FRMD4A: variants seen among roughly 807,000 people sequenced by gnomAD.
FRMD4A encodes FERM domain-containing protein 4A.
A neutral mutation model predicts 129.1 loss-of-function variants in FRMD4A; 29 were observed. The ratio of observed to expected loss-of-function variants is 0.22; its 90% CI spans 0.17 to 0.31. The LOEUF (loss-of-function observed/expected upper bound fraction) is 0.31, where lower values mean the gene tolerates loss of function less well. Ranked by LOEUF, FRMD4A falls within the 10% of genes least tolerant of loss-of-function variation. The pLI is 1.00. For synonymous variants in FRMD4A, 634 were observed against 571.6 expected (o/e 1.11, Z -1.56); for missense variants, 1,272 against 1,375.8 (o/e 0.92, Z 1.19).
chr10:13,796,826 T>G (rs931855265), intron 4 of FRMD4A, among the ~76,000 whole-genome samples: 1 of 152,186 alleles, frequency 6.6e-6, no homozygotes, highest in African/African-American at 2.4e-5. Flanking sequence ...GTTTAAGCGA[T>G]TCCCTGCCTC....
intron 2 of FRMD4A, among the ~76,000 whole-genome samples, chr10:13,979,649 A>G (rs1367484438): frequency 6.6e-6 from 1 of 152,168 alleles, no homozygotes; most frequent in Non-Finnish European, 1.5e-5. Flanking sequence ...CATTGTTTAT[A>G]GTAGGTATTA....
intron 2 of FRMD4A, among the ~76,000 whole-genome samples, chr10:13,911,033 T>C (rs1235515694): frequency 6.6e-6 from 1 of 152,158 alleles, no homozygotes; most frequent in Non-Finnish European, 1.5e-5. Flanking sequence ...CTTTTCCTTC[T>C]CAGCCAGGGA....
At chr10:14,296,126 C>T (rs188359621) in intron 2 of FRMD4A, among the ~76,000 whole-genome samples, 6 of 152,064 alleles carry the variant, frequency 3.9e-5, no homozygotes, top group African/African-American at 1.2e-4. Context: ...CTACTCCCAG[C>T]GGAAGAAAAA....
intron 2 of FRMD4A, among the ~76,000 whole-genome samples, chr10:13,862,534 T>C (rs2094308782): frequency 6.6e-6 from 1 of 152,206 alleles, no homozygotes. Context: ...CCCTAGGTCT[T>C]CCAATTTCTT....
At chr10:14,020,439 A>G (rs1362736382) in intron 2 of FRMD4A, among the ~76,000 whole-genome samples, 2 of 152,222 alleles carry the variant, frequency 1.3e-5, no homozygotes, top group Non-Finnish European at 2.9e-5. Context: ...CATCAGCTAT[A>G]GAGGAAACCC....
intron 12 of FRMD4A, among the ~76,000 whole-genome samples, chr10:13,726,428 TC>T (rs2089899138): frequency 6.6e-6 from 1 of 152,226 alleles, no homozygotes; most frequent in Non-Finnish European, 1.5e-5. Context: ...TGACTTTAAC[TC>T]AGACTAAAAT....
chr10:13,736,079 G>C (rs1271267835), intron 12 of FRMD4A, among the ~76,000 whole-genome samples: 1 of 152,146 alleles, frequency 6.6e-6, no homozygotes, highest in Non-Finnish European at 1.5e-5. Flanking sequence ...TTGAACCTGG[G>C]AAGCAAAGGT....
intron 2 of FRMD4A, among the ~76,000 whole-genome samples, chr10:14,295,997 T>C (rs1845996127): frequency 1.3e-5 from 2 of 152,280 alleles, no homozygotes; most frequent in South Asian, 2.1e-4. Flanking sequence ...GAATTTTTTT[T>C]CCTATGACTG....
rs1159626740 is a variant in FRMD4A at position 13,821,521 on chromosome 10, A to C, written c.112-10613T>G. Among the ~76,000 whole-genome samples the C allele has an allele frequency of 6.6e-6, 1 of 152,172 alleles. No individual in the cohort carries two copies. Among genetic ancestry groups the C allele is most frequent in the Admixed American group, 6.5e-5 (1 of 15,278 alleles). On this transcript the variant is annotated intron_variant, in intron 3 of 24. Transcript: ENST00000357447. The surrounding 1 kb of genome is among the most constrained non-coding windows in gnomAD (Gnocchi z 4.3). ...CTAGTCTAGGAGTGACAGTGGCATC[A>C]CATCGCTGCAGCAGAACAGCAAAGC...
At chr10:14,157,678 T>C (rs1840670728) in intron 2 of FRMD4A, among the ~76,000 whole-genome samples, 1 of 152,170 alleles carries the variant, frequency 6.6e-6, no homozygotes, top group Admixed American at 6.5e-5. Flanking sequence ...CTCACACATC[T>C]GTAGGTGAAT....
intron 6 of FRMD4A, among the ~76,000 whole-genome samples, chr10:13,779,319 GA>G (rs36067710): frequency 0.62 from 89,067 of 144,628 alleles, 26,873 homozygotes; most frequent in Admixed American, 0.67. Context: ...CCATCTCCAA[GA>G]AAAAAAAAAA....
At chr10:13,764,776 T>C (rs369307803) in intron 6 of FRMD4A, among the ~76,000 whole-genome samples, 1 of 152,162 alleles carries the variant, frequency 6.6e-6, no homozygotes, top group South Asian at 2.1e-4. Context: ...CAAGATCCCA[T>C]AGTGGCTGAC....
intron 3 of FRMD4A, among the ~76,000 whole-genome samples, chr10:13,858,509 A>G (rs1337630968): frequency 6.6e-6 from 1 of 152,224 alleles, no homozygotes; most frequent in African/African-American, 2.4e-5. Context: ...AGGAAGACTA[A>G]ATCAATTTTA....
intron 15 of FRMD4A, among the ~76,000 whole-genome samples, chr10:13,680,195 A>G (rs1306938491): frequency 6.6e-6 from 1 of 152,020 alleles, no homozygotes; most frequent in Non-Finnish European, 1.5e-5. Flanking sequence ...AGTGGCTCAC[A>G]CCTGTAATCC....
At chr10:14,250,254 C>T (rs1266231384) in intron 2 of FRMD4A, among the ~76,000 whole-genome samples, 1 of 152,184 alleles carries the variant, frequency 6.6e-6, no homozygotes, top group Non-Finnish European at 1.5e-5. Context: ...AGCCACTGTG[C>T]CTGGCCTGTT....
At chr10:13,924,775 A>G (rs2095111281) in intron 2 of FRMD4A, among the ~76,000 whole-genome samples, 1 of 152,190 alleles carries the variant, frequency 6.6e-6, no homozygotes, top group Non-Finnish European at 1.5e-5. Flanking sequence ...AGTACCTGTC[A>G]TAGTGTGTTC....
At chr10:13,911,496 T>G (rs78534670) in intron 2 of FRMD4A, among the ~76,000 whole-genome samples, 2,210 of 152,256 alleles carry the variant, frequency 0.015, 50 homozygotes, top group African/African-American at 0.05. Context: ...AGGAAATGCA[T>G]TTTTTGACAT....
chr10:13,965,452 G>A (rs2095479792), intron 2 of FRMD4A, among the ~76,000 whole-genome samples: 1 of 152,214 alleles, frequency 6.6e-6, no homozygotes, highest in Non-Finnish European at 1.5e-5. Context: ...ACAGGTGGCA[G>A]TGTTCCCACT....
At chr10:14,109,546 G>T (rs1056096770) in intron 2 of FRMD4A, among the ~76,000 whole-genome samples, 1 of 152,134 alleles carries the variant, frequency 6.6e-6, no homozygotes, top group East Asian at 1.9e-4. Flanking sequence ...TTCTCCTGCC[G>T]CAGAACAAAA....
Sources: allele counts gnomAD v4.1 joint callset (sites outside exome capture counted in the v4.1 genomes callset), GRCh38; gene constraint gnomAD v4.1.1; non-coding constraint Gnocchi (gnomAD v3.1); transcripts MANE v1.5; gene names NCBI Gene and HGNC (gene_info 2026-07-23, HGNC 2026-07-21).